MORC4: variants seen among roughly 807,000 people sequenced by gnomAD.
The protein encoded by MORC4 is MORC family CW-type zinc finger protein 4.
In MORC4, 22 loss-of-function variants were observed where a neutral mutation model predicts 65.5. The observed-to-expected ratio is 0.34, with a 90% CI of 0.24 to 0.48. MORC4 has a LOEUF of 0.48. Ranked by LOEUF, MORC4 falls within the 20% of genes least tolerant of loss-of-function variation. MORC4 has a pLI of 0.99. For synonymous variants in MORC4, 267 were observed against 255.8 expected, an observed-to-expected ratio of 1.04 and a Z score of -0.42; for missense variants, 624 against 703.0, an observed-to-expected ratio of 0.89 and a Z score of 1.27.
At chrX:106,948,396 AAT>A (rs1049648947) in intron 14 of MORC4, among the ~76,000 whole-genome samples, 8 of 111,497 alleles carry the variant, frequency 7.2e-5, no homozygotes, top group East Asian at 5.6e-4. Flanking sequence ...ACGATAAATC[AAT>A]ATATATATAT....
At chrX:106,985,708 C>A (rs1422270361) in intron 4 of MORC4, among the ~76,000 whole-genome samples, 2 of 109,939 alleles carry the variant, frequency 1.8e-5, no homozygotes, top group African/African-American at 6.6e-5. Context: ...GCCTTCGGAG[C>A]TTTACCATGG....
intron 3 of MORC4, among the ~76,000 whole-genome samples, chrX:106,986,883 T>C (rs1934880399): frequency 8.9e-6 from 1 of 111,924 alleles, no homozygotes; most frequent in Non-Finnish European, 1.9e-5. Context: ...TTAAGGACCT[T>C]TCACTTAGGC....
intron 9 of MORC4, among the ~76,000 whole-genome samples, chrX:106,963,543 G>A (rs2147812000): frequency 8.9e-6 from 1 of 111,853 alleles, no homozygotes; most frequent in African/African-American, 3.3e-5. Context: ...ATCACTGCTT[G>A]CTGCTTCTGA....
chrX:106,953,195 G>C (rs1934019333), intron 14 of MORC4, among the ~76,000 whole-genome samples: 1 of 111,723 alleles, frequency 9.0e-6, no homozygotes, highest in Admixed American at 9.5e-5. Context: ...CCACCCAATG[G>C]AAGTTCTATT....
chrX:106,952,459 G>T (rs893673330), intron 14 of MORC4, among the ~76,000 whole-genome samples: 1 of 112,595 alleles, frequency 8.9e-6, no homozygotes, highest in Admixed American at 9.4e-5. Context: ...TGTTGTGTAT[G>T]TGTTCTGTTA....
intron 10 of MORC4, 86 bp downstream of exon 10, chrX:106,961,926 C>A (rs767288964): frequency 2.5e-6 from 2 of 806,951 alleles, no homozygotes; most frequent in Non-Finnish European, 3.6e-6. Context: ...CAGCAGGAAC[C>A]AAATCCAGAC....
At chrX:106,998,020 G>A (rs763272530) in intron 2 of MORC4, among the ~76,000 whole-genome samples, 1 of 112,431 alleles carries the variant, frequency 8.9e-6, no homozygotes, top group Admixed American at 9.4e-5. Flanking sequence ...CCTACTAGAA[G>A]AGTGAATCTG....
At chrX:106,975,471 T>C (rs1361874938) in intron 9 of MORC4, among the ~76,000 whole-genome samples, 1 of 111,476 alleles carries the variant, frequency 9.0e-6, no homozygotes, top group East Asian at 2.8e-4. Flanking sequence ...GGAGTTGCCA[T>C]TCAAATAGTT....
Position 106,971,019 on chromosome X carries a change from G to A in MORC4, c.1157+5565C>T, listed in dbSNP as rs923817622. Among the ~76,000 whole-genome samples, 11 of 111,752 alleles carry A rather than the reference G, an allele frequency of 9.8e-5. No individual in the cohort carries two copies. In the South Asian group the frequency reaches 1.5e-3, roughly 15 times the overall value. ...GCCCGCATAGCCAAGACAGTCCTGG[G>A]CAAGAAGAACAAAGCTGGAGGCATC... On this transcript the variant is annotated intron_variant, in intron 9 of 16. Transcript: ENST00000355610.
chrX:106,943,756 GTAAAAGT>G (rs1233583913), intron 14 of MORC4, among the ~76,000 whole-genome samples: 1 of 112,489 alleles, frequency 8.9e-6, no homozygotes, highest in Non-Finnish European at 1.9e-5. Flanking sequence ...TAGTTCACTT[GTAAAAGT>G]TAATTGAATC....
At chrX:106,985,837 T>C in intron 4 of MORC4, 146 bp downstream of exon 4, 1 of 478,850 alleles carries the variant, frequency 2.1e-6, no homozygotes, top group Admixed American at 3.8e-5. Flanking sequence ...AAATGTTTAA[T>C]AGAGAAAAAT....
Position 106,956,994 on chromosome X carries a change from C to G in MORC4, c.1396G>C (p.Val466Leu), listed in dbSNP as rs779719638. The G allele has an allele frequency of 8.4e-7, 1 of 1,189,590 alleles. No individual in the cohort carries two copies. The highest frequency in any genetic ancestry group is 1.1e-6 in the Non-Finnish European group (1 of 877,828). ...NSHPKYRRCSVPEEQELTDED... is the reference protein window; with the variant it reads ...NSHPKYRRCSLPEEQELTDED... The stretch of plus-strand genomic sequence containing the variant: ...TCAGTGAGTTCTTGTTCCTCTGGAA[C>G]AGAGCATCTCCTGCAGTACAGAGAA... The change falls in exon 12 of 17, where the codon GTT becomes CTT. Residue 466 changes from valine (V) to leucine (L), a missense_variant. Physicochemically the swap from Val to Leu is conservative, Grantham distance 32. Transcript: ENST00000355610.
intron 3 of MORC4, among the ~76,000 whole-genome samples, chrX:106,986,553 T>C (rs937537873): frequency 2.9e-4 from 32 of 111,638 alleles, no homozygotes; most frequent in Non-Finnish European, 2.4e-4. Flanking sequence ...ACAGCTCTGA[T>C]TGCTGTAGAA....
intron 9 of MORC4, among the ~76,000 whole-genome samples, chrX:106,971,701 C>T (rs1276076902): frequency 1.8e-5 from 2 of 112,176 alleles, no homozygotes; most frequent in Non-Finnish European, 3.8e-5. Flanking sequence ...ATGCAGCCAA[C>T]AGACATATGA....
At chrX:106,977,124 A>T (rs1602497952) in intron 8 of MORC4, among the ~76,000 whole-genome samples, 1 of 112,281 alleles carries the variant, frequency 8.9e-6, no homozygotes, top group East Asian at 2.8e-4. Context: ...ATCCTATATT[A>T]AAATAAACAA....
At chrX:106,979,855 T>TG (rs1934703898) in intron 7 of MORC4, among the ~76,000 whole-genome samples, 1 of 111,063 alleles carries the variant, frequency 9.0e-6, no homozygotes, top group Non-Finnish European at 1.9e-5. Flanking sequence ...AGTCTACATA[T>TG]GGTGAGATTA....
At chrX:106,999,279 C>T (rs1935134110) in intron 2 of MORC4, among the ~76,000 whole-genome samples, 1 of 111,443 alleles carries the variant, frequency 9.0e-6, no homozygotes, top group Admixed American at 9.4e-5. Flanking sequence ...CCAGGACCCG[C>T]CTCGGTCCTC....
chrX:106,966,559 G>A (rs1934377226), intron 9 of MORC4, among the ~76,000 whole-genome samples: 1 of 112,654 alleles, frequency 8.9e-6, no homozygotes, highest in Non-Finnish European at 1.9e-5. Flanking sequence ...ACTGTACCTG[G>A]AGGAGTGGTA....
At chrX:106,943,261 T>C (rs1021537179) in intron 14 of MORC4, 56 bp from the exon 15 acceptor site, 26 of 973,086 alleles carry the variant, frequency 2.7e-5, no homozygotes, top group Non-Finnish European at 3.7e-5. Context: ...AAGTATTTTC[T>C]GATCCTATGG....
Sources: gnomAD v4.1 joint callset for allele counts (sites outside exome capture counted in the v4.1 genomes callset) on GRCh38, gnomAD v4.1.1 for gene constraint, MANE v1.5 for transcripts, NCBI Gene and HGNC (gene_info 2026-07-23, HGNC 2026-07-21) for gene names.